The following VAV3 variants were observed in gnomAD, a reference collection of about 807,000 sequenced individuals.
VAV3 encodes the protein guanine nucleotide exchange factor VAV3.
Under a neutral mutation model 131.2 loss-of-function variants are expected in VAV3, and 94 were observed. That is an observed-to-expected ratio of 0.72 (90% CI 0.61 to 0.85). VAV3 has a LOEUF of 0.85. Ranked by LOEUF, VAV3 falls within the 40% of genes least tolerant of loss-of-function variation. VAV3 has a pLI of 0.00. For missense variants in VAV3, 939 were observed against 1,002.7 expected, an observed-to-expected ratio of 0.94 and a Z score of 0.86; for synonymous variants, 349 against 342.0, an observed-to-expected ratio of 1.02 and a Z score of -0.22.
intron 2 of VAV3, among the ~76,000 whole-genome samples, chr1:107,815,694 G>C (rs374761590): frequency 6.6e-6 from 1 of 152,178 alleles, no homozygotes; most frequent in South Asian, 2.1e-4. Flanking sequence ...TGAAATTCAA[G>C]CACTATCAAT....
At chr1:107,732,642 C>T (rs946853958) in intron 15 of VAV3, among the ~76,000 whole-genome samples, 2 of 152,182 alleles carry the variant, frequency 1.3e-5, no homozygotes, top group Admixed American at 6.5e-5. Flanking sequence ...AGCTGCAAGG[C>T]GGCAGACTGG....
intron 1 of VAV3, among the ~76,000 whole-genome samples, chr1:107,951,234 C>T (rs773392741): frequency 6.6e-6 from 1 of 152,134 alleles, no homozygotes; most frequent in Non-Finnish European, 1.5e-5. Context: ...CTGTAGTAAC[C>T]ATTCATGTCT....
intron 1 of VAV3, among the ~76,000 whole-genome samples, chr1:107,936,010 T>A (rs1426187783): frequency 1.3e-4 from 20 of 152,154 alleles, no homozygotes; most frequent in Non-Finnish European, 1.5e-5. Context: ...TTTATGCCCC[T>A]TTTGGAAACT....
At chr1:107,825,021 AGTCT>A (rs746036696) in intron 2 of VAV3, among the ~76,000 whole-genome samples, 7 of 152,190 alleles carry the variant, frequency 4.6e-5, no homozygotes, top group South Asian at 2.1e-4. Flanking sequence ...AGGTGGTCCA[AGTCT>A]GTCTTAACAT....
At chr1:107,709,047 A>C (rs1318983321) in intron 15 of VAV3, among the ~76,000 whole-genome samples, 1 of 152,146 alleles carries the variant, frequency 6.6e-6, no homozygotes, top group African/African-American at 2.4e-5. Flanking sequence ...TACTGGGGCC[A>C]GTTACCAGAG....
intron 19 of VAV3, among the ~76,000 whole-genome samples, chr1:107,681,640 T>C (rs1215818913): frequency 6.7e-6 from 1 of 148,542 alleles, no homozygotes; most frequent in East Asian, 2.0e-4. Flanking sequence ...ACATTTATTA[T>C]ACGTAATGGA....
intron 1 of VAV3, among the ~76,000 whole-genome samples, chr1:107,959,792 A>G (rs907210052): frequency 6.6e-6 from 1 of 152,152 alleles, no homozygotes; most frequent in African/African-American, 2.4e-5. Context: ...CGGCGTACCC[A>G]TCTAGATGTC....
intron 20 of VAV3, among the ~76,000 whole-genome samples, chr1:107,623,866 A>C (rs1035406984): frequency 6.6e-6 from 1 of 152,192 alleles, no homozygotes; most frequent in African/African-American, 2.4e-5. Flanking sequence ...AAATGTCCCT[A>C]TCTCTGGCAT....
At position 107,964,886 on chromosome 1, in the gene VAV3, A is replaced by G; in HGVS notation, c.-17T>C. The G allele has an allele frequency of 3.3e-6, 5 of 1,503,048 alleles. No individual in the cohort carries two copies. The highest frequency in any genetic ancestry group is 3.8e-4 in the Middle Eastern group (2 of 5,246). The allele number at this position is 1,503,048 out of a possible 1,614,324, so 93.1% of individuals were successfully genotyped here. A position where few individuals can be genotyped will look rare whatever the true frequency, so the allele number is the denominator to read the frequency against. On this transcript the variant is annotated 5_prime_UTR_variant, in exon 1 of 27. Transcript: ENST00000370056. Reference sequence around the variant, plus strand: ...CGGCTCCATGCCCGACGGCTCCGGGACGCGGCTGGGCCGGGGCGGGCGGCA... The same window carrying G: ...CGGCTCCATGCCCGACGGCTCCGGGGCGCGGCTGGGCCGGGGCGGGCGGCA...
At chr1:107,685,334 G>A (rs1373338809) in intron 18 of VAV3, among the ~76,000 whole-genome samples, 4 of 152,126 alleles carry the variant, frequency 2.6e-5, no homozygotes, top group Admixed American at 2.6e-4. Context: ...CTATAAAATG[G>A]AGATAATACT....
intron 1 of VAV3, among the ~76,000 whole-genome samples, chr1:107,944,232 T>C (rs1674138591): frequency 6.6e-6 from 1 of 152,220 alleles, no homozygotes; most frequent in Non-Finnish European, 1.5e-5. Flanking sequence ...ATCTTCTACT[T>C]ACCCTCTCCC....
intron 6 of VAV3, among the ~76,000 whole-genome samples, chr1:107,769,343 C>T (rs1227543248): frequency 1.3e-5 from 2 of 152,162 alleles, no homozygotes; most frequent in Non-Finnish European, 2.9e-5. Context: ...TGGACATTAC[C>T]GATCGTCTAA....
chr1:107,612,423 A>G (rs552205355), intron 21 of VAV3, among the ~76,000 whole-genome samples: 5 of 152,086 alleles, frequency 3.3e-5, no homozygotes, highest in Admixed American at 1.3e-4. Context: ...ACACTGTACA[A>G]TCTCTACTTG....
chr1:107,658,068 CTCTT>C (rs567523030), intron 19 of VAV3, among the ~76,000 whole-genome samples: 203 of 152,316 alleles, frequency 1.3e-3, no homozygotes, highest in African/African-American at 4.5e-3. Flanking sequence ...ACTTCAATAT[CTCTT>C]TCTAATGAAA....
intron 17 of VAV3, among the ~76,000 whole-genome samples, chr1:107,701,220 T>C (rs1340887063): frequency 2.6e-5 from 4 of 152,230 alleles, no homozygotes; most frequent in South Asian, 4.1e-4. Flanking sequence ...GTTAGACGGA[T>C]ACCTAAACTT....
At chr1:107,775,508 G>A (rs1665302884) in intron 4 of VAV3, among the ~76,000 whole-genome samples, 2 of 148,958 alleles carry the variant, frequency 1.3e-5, no homozygotes, top group South Asian at 4.3e-4. Context: ...AACCCAGGAG[G>A]TGGAGGTTGC....
chr1:107,793,793 A>G (rs555631527), intron 2 of VAV3, among the ~76,000 whole-genome samples: 5 of 152,346 alleles, frequency 3.3e-5, no homozygotes, highest in African/African-American at 1.2e-4. Flanking sequence ...TCTAGTAGCT[A>G]TATCAGAGAA....
chr1:107,739,783 G>A (rs1303716829), intron 15 of VAV3, among the ~76,000 whole-genome samples: 4 of 152,168 alleles, frequency 2.6e-5, no homozygotes, highest in Non-Finnish European at 5.9e-5. Context: ...AAATGCCAAA[G>A]CAGGTGACAA....
chr1:107,602,429 T>C lies in VAV3; in HGVS notation c.2188A>G (p.Ile730Val), dbSNP rs764863269. The C allele has an allele frequency of 5.7e-6, 9 of 1,575,600 alleles. No individual in the cohort carries two copies. The highest frequency in any genetic ancestry group is 5.6e-5 in the African/African-American group (4 of 71,836). ...CTTTTAAATTTTCTATTTTCTGCAA[T>C]GTGAAAAAAGCCATCTCTTGTTAAA... Reference protein sequence around the residue: ...KILTRDGFFHIAENRKFKSLM... With the variant: ...KILTRDGFFHVAENRKFKSLM... Residue 730 changes from isoleucine (I) to valine (V), a missense_variant, in exon 24 of 27, where the codon ATT becomes GTT. Coordinates refer to ENST00000370056, the MANE Select transcript of VAV3 (RefSeq NM_006113.5).
Sources: allele counts gnomAD v4.1 joint callset (sites outside exome capture counted in the v4.1 genomes callset), GRCh38; gene constraint gnomAD v4.1.1; transcripts MANE v1.5; gene names NCBI Gene and HGNC (gene_info 2026-07-23, HGNC 2026-07-21).